The following GRIA4 variants were observed in gnomAD, a reference collection of about 807,000 sequenced individuals.
GRIA4 encodes glutamate receptor 4.
In GRIA4, 34 loss-of-function variants were observed where a neutral mutation model predicts 104.0. That is an observed-to-expected ratio of 0.33 (90% CI 0.25 to 0.44). The LOEUF (loss-of-function observed/expected upper bound fraction) is 0.44, where lower values mean the gene tolerates loss of function less well. GRIA4 is among the 20% of genes least tolerant of loss of function. The pLI is 1.00. For synonymous variants in GRIA4, 386 were observed against 381.9 expected, an observed-to-expected ratio of 1.01 and a Z score of -0.13; for missense variants, 750 against 1,096.5, an observed-to-expected ratio of 0.68 and a Z score of 4.46.
At chr11:105,700,109 T>C (rs933272396) in intron 3 of GRIA4, among the ~76,000 whole-genome samples, 8 of 152,220 alleles carry the variant, frequency 5.3e-5, no homozygotes, top group African/African-American at 1.9e-4. Flanking sequence ...TTTTATTATA[T>C]GACACTGGTA....
rs562703166 is a variant in GRIA4, at chr11:105,724,595, T to C, written c.248-28386T>C. ...GTGGGAGCTAAATAGTGTGTATACA[T>C]GGACATAGAGCATGAAATGATAGAC... On this transcript the variant is annotated intron_variant, in intron 3 of 16. Transcript: ENST00000282499. 5.3e-5 allele frequency among the ~76,000 whole-genome samples: 8 copies of C among 151,938 alleles called. No homozygotes were observed. In the East Asian group the frequency reaches 1.5e-3, roughly 29 times the overall value.
At chr11:105,922,855 T>C (rs1947603426) in intron 11 of GRIA4, among the ~76,000 whole-genome samples, 2 of 152,164 alleles carry the variant, frequency 1.3e-5, no homozygotes, top group Non-Finnish European at 2.9e-5. Flanking sequence ...TACTGATTTT[T>C]CTACAGCTAG....
chr11:105,688,134 ATATCTATATCTATATCTATATCTC>A lies in GRIA4; in HGVS notation c.248-64839_248-64816del, dbSNP rs1164905962. On this transcript the variant is annotated intron_variant, in intron 3 of 16. Transcript: ENST00000282499. ...TATATCTATATCTATATCTATATCT[ATATCTATATCTATATCTATATCTC>A]TATCTATCTATCTATCTATCTATCT... 9.8e-3 allele frequency among the ~76,000 whole-genome samples: 771 copies of A among 78,308 alleles called. 3 individuals carry two copies. The highest frequency in any genetic ancestry group is 0.023 in the African/African-American group (582 of 25,518). 51.4% of individuals were successfully genotyped at this position (78,308 alleles called of 152,430 possible).
intron 4 of GRIA4, among the ~76,000 whole-genome samples, chr11:105,802,347 G>T (rs1193848390): frequency 6.6e-6 from 1 of 152,078 alleles, no homozygotes; most frequent in African/African-American, 2.4e-5. Flanking sequence ...CAACCTCTCA[G>T]ATTTAAAACC....
chr11:105,900,523 C>T (rs1339892033), intron 7 of GRIA4, among the ~76,000 whole-genome samples: 11 of 152,156 alleles, frequency 7.2e-5, no homozygotes. Flanking sequence ...CAACCATCTT[C>T]CAAGGCTTTA....
intron 4 of GRIA4, among the ~76,000 whole-genome samples, chr11:105,824,228 G>C (rs1390490759): frequency 6.6e-6 from 1 of 152,084 alleles, no homozygotes; most frequent in East Asian, 1.9e-4. Context: ...TTAGGCTTAA[G>C]AACATCCCAC....
intron 3 of GRIA4, among the ~76,000 whole-genome samples, chr11:105,703,180 G>A (rs925871613): frequency 3.3e-5 from 5 of 152,224 alleles, no homozygotes; most frequent in South Asian, 4.1e-4. Context: ...TTGCTTTAGA[G>A]TACAGTTAGA....
At chr11:105,666,143 T>A (rs1352823066) in intron 3 of GRIA4, among the ~76,000 whole-genome samples, 1 of 152,050 alleles carries the variant, frequency 6.6e-6, no homozygotes. Context: ...CTTTAAACCA[T>A]GGCCTCTGAA....
chr11:105,925,540 T>C (rs1255890653), intron 12 of GRIA4, among the ~76,000 whole-genome samples: 1 of 152,174 alleles, frequency 6.6e-6, no homozygotes, highest in Non-Finnish European at 1.5e-5. Context: ...TATGGATTTC[T>C]TTCTTTATAG....
At chr11:105,773,821 G>A (rs1247622468) in intron 4 of GRIA4, among the ~76,000 whole-genome samples, 1 of 148,560 alleles carries the variant, frequency 6.7e-6, no homozygotes, top group Non-Finnish European at 1.5e-5. Context: ...ATCTATGGTC[G>A]ATAACAAATT....
intron 3 of GRIA4, among the ~76,000 whole-genome samples, chr11:105,677,150 T>C (rs527501672): frequency 1.3e-5 from 2 of 151,926 alleles, no homozygotes; most frequent in East Asian, 3.9e-4. Context: ...AACCAAGTGA[T>C]CCATTTTTTA....
At chr11:105,818,353 T>C (rs1943456643) in intron 4 of GRIA4, among the ~76,000 whole-genome samples, 1 of 152,082 alleles carries the variant, frequency 6.6e-6, no homozygotes, top group African/African-American at 2.4e-5. Flanking sequence ...GATACGTTTG[T>C]TTTTACATTC....
chr11:105,621,028 C>A (rs555936260), intron 3 of GRIA4, among the ~76,000 whole-genome samples: 81 of 151,692 alleles, frequency 5.3e-4, no homozygotes, highest in African/African-American at 1.8e-3. Context: ...CTTAAGAAAA[C>A]TGTTGATATT....
intron 4 of GRIA4, among the ~76,000 whole-genome samples, chr11:105,840,641 A>G (rs1016930583): frequency 6.6e-6 from 1 of 152,186 alleles, no homozygotes; most frequent in Non-Finnish European, 1.5e-5. Context: ...TCTATACGAT[A>G]TTATAAGACT....
At chr11:105,952,914 A>T (rs1025781784) in intron 14 of GRIA4, among the ~76,000 whole-genome samples, 1 of 152,212 alleles carries the variant, frequency 6.6e-6, no homozygotes, top group Non-Finnish European at 1.5e-5. Context: ...GTCATCGCAT[A>T]GGCAAACTGG....
intron 3 of GRIA4, among the ~76,000 whole-genome samples, chr11:105,633,479 A>G (rs935256916): frequency 6.6e-6 from 1 of 152,192 alleles, no homozygotes; most frequent in African/African-American, 2.4e-5. Flanking sequence ...TAAAAATTGT[A>G]CTAAACCCTT....
intron 3 of GRIA4, among the ~76,000 whole-genome samples, chr11:105,695,261 T>C (rs1953228462): frequency 6.6e-6 from 1 of 152,186 alleles, no homozygotes; most frequent in South Asian, 2.1e-4. Context: ...TTGGTTTGTG[T>C]TTGAGAGGTC....
intron 4 of GRIA4, among the ~76,000 whole-genome samples, chr11:105,755,270 G>A (rs1354546227): frequency 6.6e-6 from 1 of 151,942 alleles, no homozygotes; most frequent in Non-Finnish European, 1.5e-5. Context: ...TTGAGATTCA[G>A]GTAACAGAAA....
chr11:105,774,870 T>C (rs1193500527), intron 4 of GRIA4, among the ~76,000 whole-genome samples: 9 of 152,184 alleles, frequency 5.9e-5, no homozygotes, highest in Admixed American at 3.9e-4. Context: ...CAATATATAT[T>C]AGTTTTCTAT....
Sources: allele counts gnomAD v4.1 joint callset (sites outside exome capture counted in the v4.1 genomes callset), GRCh38; gene constraint gnomAD v4.1.1; transcripts MANE v1.5; gene names NCBI Gene and HGNC (gene_info 2026-07-23, HGNC 2026-07-21).